MORN1: variants seen among roughly 807,000 people sequenced by gnomAD.
MORN1 encodes MORN repeat containing 1.
Under a neutral mutation model 61.9 loss-of-function variants are expected in MORN1, and 67 were observed. The ratio of observed to expected loss-of-function variants is 1.08; its 90% CI spans 0.89 to 1.33. The LOEUF (loss-of-function observed/expected upper bound fraction) is 1.33, where lower values mean the gene tolerates loss of function less well. MORN1 is among the 40% of genes most tolerant of loss of function. MORN1 has a pLI of 0.00. For missense variants in MORN1, 752 were observed against 691.2 expected (o/e 1.09, Z -0.99); for synonymous variants, 301 against 292.0 (o/e 1.03, Z -0.31).
intron 12 of MORN1, among the ~76,000 whole-genome samples, chr1:2,327,341 G>GAGACACAGAAACACACAGAAACAC (rs1417261302): frequency 9.6e-6 from 1 of 104,158 alleles, no homozygotes; most frequent in African/African-American, 3.4e-5. Context: ...GAAACACACA[G>GAGACACAGAAACACACAGAAACAC]ACAGAAACAA....
intron 10 of MORN1, among the ~76,000 whole-genome samples, chr1:2,341,484 A>T (rs1641393791): frequency 6.6e-6 from 1 of 152,136 alleles, no homozygotes. Context: ...GGAGGTCAGG[A>T]GATTGAGATC....
In MORN1 at chr1:2,372,671, C is replaced by A; in HGVS notation, c.635-80G>T. 1 of 1,078,576 alleles carries A rather than the reference C, an allele frequency of 9.3e-7. No homozygotes were observed. The highest frequency in any genetic ancestry group is 1.4e-6 in the Non-Finnish European group (1 of 735,322). 66.8% of individuals were successfully genotyped at this position (1,078,576 alleles called of 1,614,324 possible). On this transcript the variant is annotated intron_variant, in intron 7 of 13. Coordinates refer to ENST00000378531, the MANE Select transcript of MORN1 (RefSeq NM_024848.3). This position sits in a 1 kb window ranked among gnomAD's most constrained non-coding sequence, Gnocchi z 5.4. ...CCCATGGCTGAGTCAGCAGTGGGCACCCCAGGAACCGACCAGAGCCCAGTG... is the reference window on the plus strand; with the variant it reads ...CCCATGGCTGAGTCAGCAGTGGGCAACCCAGGAACCGACCAGAGCCCAGTG...
chr1:2,387,644 C>T (rs747503898), intron 3 of MORN1, 115 bp from the exon 4 acceptor site: 1 of 729,684 alleles, frequency 1.4e-6, no homozygotes, highest in South Asian at 1.5e-5. Context: ...GAATGGACGT[C>T]CCTGCCTCCA....
intron 12 of MORN1, among the ~76,000 whole-genome samples, chr1:2,330,314 C>A (rs1223369036): frequency 2.0e-5 from 3 of 152,256 alleles, no homozygotes; most frequent in African/African-American, 7.2e-5. Flanking sequence ...CCCCATGTGT[C>A]TCCAGGCACC....
At chr1:2,364,285 G>T (rs1641956425) in intron 8 of MORN1, among the ~76,000 whole-genome samples, 1 of 152,094 alleles carries the variant, frequency 6.6e-6, no homozygotes, top group Admixed American at 6.6e-5. Context: ...CAATAACAGA[G>T]CCCCAAAATA....
At chr1:2,350,591 A>T (rs934472873) in intron 10 of MORN1, 1 of 152,314 alleles carries the variant, frequency 6.6e-6, no homozygotes, top group Middle Eastern at 3.4e-3. Context: ...GGCTGGGCTG[A>T]ATTTCCAGCC....
intron 12 of MORN1, among the ~76,000 whole-genome samples, chr1:2,327,762 TGCGCCCG>T: frequency 6.6e-6 from 1 of 152,356 alleles, no homozygotes; most frequent in South Asian, 2.1e-4. Flanking sequence ...AACAAGGTGC[TGCGCCCG>T]GCTCCCTCCT....
intron 9 of MORN1, among the ~76,000 whole-genome samples, chr1:2,358,186 C>T (rs1641816002): frequency 2.0e-5 from 3 of 152,056 alleles, no homozygotes; most frequent in South Asian, 2.1e-4. Context: ...TGGGGAGTGG[C>T]GCCCAACTAG....
chr1:2,335,922 C>T (rs2100253104), intron 12 of MORN1, among the ~76,000 whole-genome samples: 1 of 151,290 alleles, frequency 6.6e-6, no homozygotes, highest in Non-Finnish European at 1.5e-5. Flanking sequence ...GCCCCGAGCC[C>T]CAGCTTCCTC....
intron 8 of MORN1, among the ~76,000 whole-genome samples, chr1:2,365,708 C>CA (rs1168067228): frequency 6.6e-6 from 1 of 151,950 alleles, no homozygotes; most frequent in Non-Finnish European, 1.5e-5. Context: ...CATAGGCAGC[C>CA]AAAAAACACA....
chr1:2,334,317 G>C lies in MORN1; in HGVS notation c.1250+2152C>G, dbSNP rs1557869701. On this transcript the variant is annotated intron_variant, in intron 12 of 13. Transcript: ENST00000378531. The surrounding 1 kb of genome is among the most constrained non-coding windows in gnomAD (Gnocchi z 5.4). ...GTGGGGGTCAGGCTCCATGGAGGACGAGAGGCACAGGCCCAGGTTTGTCTC... is the reference window on the plus strand; with the variant it reads ...GTGGGGGTCAGGCTCCATGGAGGACCAGAGGCACAGGCCCAGGTTTGTCTC... 6.6e-6 allele frequency among the ~76,000 whole-genome samples: 1 copy of C among 152,172 alleles called. No individual in the cohort carries two copies. Among genetic ancestry groups the C allele is most frequent in the Admixed American group, 6.5e-5 (1 of 15,280 alleles).
intron 12 of MORN1, among the ~76,000 whole-genome samples, chr1:2,331,844 G>C (rs12758880): frequency 0.29 from 24,389 of 83,702 alleles, 4,128 homozygotes; most frequent in African/African-American, 0.55. Flanking sequence ...CCCTCGTGCG[G>C]CTCTCCCGCC....
At chr1:2,344,807 T>C (rs1048721811) in intron 10 of MORN1, among the ~76,000 whole-genome samples, 1 of 152,220 alleles carries the variant, frequency 6.6e-6, no homozygotes, top group Admixed American at 6.5e-5. Flanking sequence ...ATGGAGGACC[T>C]TGGGGGCCAC....
intron 12 of MORN1, among the ~76,000 whole-genome samples, chr1:2,325,114 CT>C (rs1557865145): frequency 1.1e-5 from 1 of 86,990 alleles, no homozygotes. Context: ...CTTTCCTTCC[CT>C]TCCTTCCCTT....
intron 5 of MORN1, chr1:2,385,476 C>G: frequency 2.8e-6 from 1 of 359,770 alleles, no homozygotes; most frequent in Non-Finnish European, 5.1e-6. Flanking sequence ...CACCCCCATC[C>G]TCATTTAGAC....
chr1:2,387,225 T>TGGGCATACTGGTGTATGCC, intron 4 of MORN1, 194 bp downstream of exon 4: 1 of 600,968 alleles, frequency 1.7e-6, no homozygotes. Context: ...CAGGACCCGC[T>TGGGCATACTGGTGTATGCC]GGGCATACTG....
chr1:2,381,885 C>G (rs952952064), intron 6 of MORN1, among the ~76,000 whole-genome samples: 1 of 152,216 alleles, frequency 6.6e-6, no homozygotes, highest in African/African-American at 2.4e-5. Flanking sequence ...CCAGCAAGGC[C>G]CGGGCCAGTG....
chr1:2,353,456 G>C (rs1012073204), intron 10 of MORN1, among the ~76,000 whole-genome samples: 3 of 152,228 alleles, frequency 2.0e-5, no homozygotes, highest in Non-Finnish European at 4.4e-5. Flanking sequence ...GACTGAGAGA[G>C]GGTCTCCGGG....
rs1641273092 is a variant in MORN1 at position 2,336,243 on chromosome 1, C to T, written c.1250+226G>A. Among the ~76,000 whole-genome samples, 4 of 152,336 alleles carry T rather than the reference C, an allele frequency of 2.6e-5. 1 individual carries two copies. In the South Asian group the frequency reaches 8.3e-4, roughly 32 times the overall value. On this transcript the variant is annotated intron_variant, in intron 12 of 13. Transcript: ENST00000378531. ...GTGATCGAAGCAGATGGACCGGCTC[C>T]AGCTCCACCCACTTCATGCCAGCCC... is the stretch of plus-strand genomic sequence containing the variant.
Sources: allele counts gnomAD v4.1 joint callset (sites outside exome capture counted in the v4.1 genomes callset), GRCh38; gene constraint gnomAD v4.1.1; non-coding constraint Gnocchi (gnomAD v3.1); transcripts MANE v1.5; gene names NCBI Gene and HGNC (gene_info 2026-07-23, HGNC 2026-07-21).